Variants in HUWE1 observed in about 807,000 individuals in gnomAD.
HUWE1 encodes the protein E3 ubiquitin-protein ligase HUWE1.
HUWE1 carries 18 observed loss-of-function variants against 299.4 expected under a neutral mutation model. The ratio of observed to expected loss-of-function variants is 0.06; its 90% CI spans 0.04 to 0.09. The LOEUF (loss-of-function observed/expected upper bound fraction) is 0.09. HUWE1 is among the 10% of genes least tolerant of loss of function. HUWE1 has a pLI of 1.00. For synonymous variants in HUWE1, 1,317 were observed against 1,286.1 expected (o/e 1.02, Z -0.51); for missense variants, 1,832 against 3,462.3 (o/e 0.53, Z 11.82).
chrX:53,631,061 A>T, intron 11 of HUWE1, 27 bp from the exon 12 acceptor site: 1 of 888,925 alleles, frequency 1.1e-6, no homozygotes, highest in Non-Finnish European at 1.7e-6. Flanking sequence ...CATACATTTT[A>T]AAAACATCAA....
rs906118594 is a variant in HUWE1, at chrX:53,586,559, T to C, written c.4755A>G (p.Pro1585=). The C allele has an allele frequency of 1.7e-5, 20 of 1,201,541 alleles. No individual in the cohort carries two copies. Among genetic ancestry groups the C allele is most frequent in the Non-Finnish European group, 2.3e-5 (20 of 888,360 alleles). ...CATAGAAATCAATCAGGAGCAACACTGGTGTGATCCACCTAAAAAAGAAAA... is the reference window on the plus strand; with the variant it reads ...CATAGAAATCAATCAGGAGCAACACCGGTGTGATCCACCTAAAAAAGAAAA... The part of the protein sequence containing the change: ...KEVQTPKWIT[P]VLLLIDFYEK... Residue 1585 remains proline (P), a synonymous_variant, in exon 39 of 84, where the codon CCA becomes CCG. Transcript: ENST00000262854.
rs1339639435 is a variant in HUWE1 at position 53,686,333 on chromosome X, A to C, written c.-226T>G. ...CCGGCAGCTGCCGGGCTGCCCCCGAAGATGCGGCTAGCTCTCCGCTGGCGC... is the reference window on the plus strand; with the variant it reads ...CCGGCAGCTGCCGGGCTGCCCCCGACGATGCGGCTAGCTCTCCGCTGGCGC... On this transcript the variant is annotated 5_prime_UTR_variant, in exon 2 of 84. Coordinates refer to ENST00000262854, the MANE Select transcript of HUWE1 (RefSeq NM_031407.7). 8.8e-6 allele frequency: 1 copy of C among 113,060 alleles called. No individual in the cohort carries two copies. Among genetic ancestry groups the C allele is most frequent in the Non-Finnish European group, 1.9e-5 (1 of 53,226 alleles). The allele number at this position is 113,060 out of a possible 1,213,427, so 9.3% of individuals were successfully genotyped here. A position where few individuals can be genotyped will look rare whatever the true frequency, so the allele number is the denominator to read the frequency against.
In HUWE1 at chrX:53,554,605, C is replaced by T. The variant is rs782655458; in HGVS notation, c.8494+28G>A. ...CATCCTTTCTTCCCTCTTGTTTCAT[C>T]CTCCCCAAATGTTGAAATTCTACTC... On this transcript the variant is annotated intron_variant, in intron 61 of 83. Transcript: ENST00000262854. 10 of 1,195,720 alleles carry T rather than the reference C, an allele frequency of 8.4e-6. No homozygotes were observed. In the East Asian group the frequency reaches 3.0e-4, roughly 35 times the overall value.
intron 43 of HUWE1, among the ~76,000 whole-genome samples, chrX:53,578,210 C>T (rs1423809870): frequency 3.9e-5 from 4 of 103,493 alleles, no homozygotes; most frequent in African/African-American, 1.4e-4. Flanking sequence ...TCTGCTGGGC[C>T]GCAACCCTGT....
chrX:53,549,640 C>A (rs2061682452), intron 66 of HUWE1, 135 bp from the exon 67 acceptor site: 3 of 539,380 alleles, frequency 5.6e-6, no homozygotes, highest in Non-Finnish European at 9.6e-6. Context: ...TCCAAGGGCT[C>A]TTCATAGTAA....
intron 32 of HUWE1, among the ~76,000 whole-genome samples, chrX:53,592,831 C>T (rs1300007386): frequency 1.8e-5 from 2 of 111,792 alleles, no homozygotes; most frequent in African/African-American, 6.5e-5. Context: ...AATATTTGCT[C>T]TGCCCAAATC....
At chrX:53,535,922 G>GC (rs1556912363) in intron 80 of HUWE1, 8 of 166,911 alleles carry the variant, frequency 4.8e-5, no homozygotes, top group Admixed American at 9.2e-5. Context: ...ATGTACTGGA[G>GC]TTTTTTTTTT....
intron 4 of HUWE1, among the ~76,000 whole-genome samples, chrX:53,650,991 T>C (rs1557039646): frequency 1.8e-5 from 2 of 111,672 alleles, no homozygotes; most frequent in South Asian, 3.8e-4. Context: ...AAGTTGAATC[T>C]TGCTGGACGT....
chrX:53,554,958 A>C (rs781801265), intron 60 of HUWE1, 38 bp from the exon 61 acceptor site: 7 of 1,080,358 alleles, frequency 6.5e-6, no homozygotes. Flanking sequence ...TTAAGGGGCA[A>C]CCAGCCAATG....
Position 53,577,044 on chromosome X carries a change from G to A in HUWE1, c.5740C>T (p.Leu1914Phe). 2 of 1,209,208 alleles carry A rather than the reference G, an allele frequency of 1.7e-6. No individual in the cohort carries two copies. The highest frequency in any genetic ancestry group is 2.2e-6 in the Non-Finnish European group (2 of 893,390). Residue 1914 changes from leucine (L) to phenylalanine (F), a missense_variant, in exon 44 of 84, where the codon CTT (leucine) becomes TTT (phenylalanine). By Grantham distance (22) the Leu-to-Phe change is conservative (BLOSUM62 0). Transcript: ENST00000262854. ...GTASDDEFEN[L>F]RIKGPNAVQL... ...ACAGCATTAGGGCCTTTAATTCTAAGATTCTCAAATTCATCATCTGAAGCT... is the reference window on the plus strand; with the variant it reads ...ACAGCATTAGGGCCTTTAATTCTAAAATTCTCAAATTCATCATCTGAAGCT...
chrX:53,582,091 A>G (rs2063647642), intron 42 of HUWE1, among the ~76,000 whole-genome samples: 2 of 112,221 alleles, frequency 1.8e-5, no homozygotes, highest in Admixed American at 1.9e-4. Flanking sequence ...ACATTTTGCC[A>G]TCTTGATACG....
In HUWE1 at chrX:53,547,740, A is replaced by G; in HGVS notation, c.10569T>C (p.Ile3523=). ...SAPALVAATA[I]STIVVAASTT... ...TCGAAGCAGCTACGACAATGGTGGA[A>G]ATAGCCGTGGCAGCAACCAGGGCTG... Residue 3523 remains isoleucine, a synonymous_variant, in exon 68 of 84, where the codon ATT becomes ATC. Transcript: ENST00000262854. 4.1e-6 allele frequency: 5 copies of G among 1,205,916 alleles called. No homozygotes were observed. The African/African-American group carries it at 5.2e-5, about 13-fold the overall frequency.
intron 83 of HUWE1, 48 bp from the exon 84 acceptor site, chrX:53,533,459 C>G: frequency 1.1e-6 from 1 of 922,531 alleles, no homozygotes; most frequent in Non-Finnish European, 1.6e-6. Flanking sequence ...GACAGATAAC[C>G]AAATCTGTGT....
In HUWE1 at chrX:53,662,821, C is replaced by A. The variant is rs191848913; in HGVS notation, c.-24-8690G>T. Among the ~76,000 whole-genome samples, 345 of 111,671 alleles carry A rather than the reference C, an allele frequency of 3.1e-3. 1 individual carries two copies. Among genetic ancestry groups the A allele is most frequent in the Admixed American group, 6.5e-3 (68 of 10,510 alleles). ...ATTTAAAGGTAAGGCAAAGAAGGGG[C>A]CGGGTACAATGGCTCAAGCCTATAA... is the stretch of plus-strand genomic sequence containing the variant. On this transcript the variant is annotated intron_variant, in intron 3 of 83. Transcript: ENST00000262854.
chrX:53,619,590 G>GAAAAAAAAAA (rs35685121), intron 19 of HUWE1, among the ~76,000 whole-genome samples: 11 of 41,141 alleles, frequency 2.7e-4, no homozygotes, highest in Admixed American at 1.7e-3. Flanking sequence ...AGAAATAGAA[G>GAAAAAAAAAA]AAAAAAAAAA....
At chrX:53,584,865 T>A in intron 40 of HUWE1, 147 bp downstream of exon 40, 3 of 665,433 alleles carry the variant, frequency 4.5e-6, no homozygotes, top group Non-Finnish European at 7.2e-6. Context: ...GGGCCACACA[T>A]AAACTACACT....
At chrX:53,547,259 C>T (rs1431009623) in intron 68 of HUWE1, among the ~76,000 whole-genome samples, 2 of 112,127 alleles carry the variant, frequency 1.8e-5, no homozygotes, top group Non-Finnish European at 3.8e-5. Context: ...TCTGGTTACT[C>T]TGAATCACAC....
chrX:53,611,188 TAAAAAAAAAAAA>T (rs1204862205), intron 23 of HUWE1, among the ~76,000 whole-genome samples: 1 of 60,823 alleles, frequency 1.6e-5, no homozygotes, highest in Non-Finnish European at 3.1e-5. Flanking sequence ...GCTGATTTTG[TAAAAAAAAAAAA>T]AAAAAAAAAG....
At chrX:53,662,268 C>T (rs1479071180) in intron 3 of HUWE1, among the ~76,000 whole-genome samples, 4 of 111,586 alleles carry the variant, frequency 3.6e-5, no homozygotes, top group Non-Finnish European at 7.5e-5. Flanking sequence ...GGCTAGAATC[C>T]CTGCTATATC....
Sources: gnomAD v4.1 joint callset for allele counts (sites outside exome capture counted in the v4.1 genomes callset) on GRCh38, gnomAD v4.1.1 for gene constraint, MANE v1.5 for transcripts, NCBI Gene and HGNC (gene_info 2026-07-23, HGNC 2026-07-21) for gene names.